DDX10: variants seen among roughly 807,000 people sequenced by gnomAD.
The protein encoded by DDX10 is probable ATP-dependent RNA helicase DDX10.
DDX10 carries 74 observed loss-of-function variants against 104.3 expected under a neutral mutation model. That is an observed-to-expected ratio of 0.71 (90% CI 0.59 to 0.86). The LOEUF is 0.86. DDX10 is among the 40% of genes least tolerant of loss of function. The pLI, the probability that DDX10 is intolerant of heterozygous loss-of-function variation, is 0.00. For synonymous variants in DDX10, 351 were observed against 353.4 expected, an observed-to-expected ratio of 0.99 and a Z score of 0.08; for missense variants, 952 against 1,040.0, an observed-to-expected ratio of 0.92 and a Z score of 1.16.
chr11:108,794,219 A>G (rs1591819963), intron 13 of DDX10, among the ~76,000 whole-genome samples: 2 of 151,932 alleles, frequency 1.3e-5, no homozygotes, highest in South Asian at 4.1e-4. Context: ...TTGCTGGATC[A>G]TATGGCAGTT....
At chr11:108,711,186 T>C (rs569957666) in intron 10 of DDX10, among the ~76,000 whole-genome samples, 46 of 152,382 alleles carry the variant, frequency 3.0e-4, no homozygotes, top group African/African-American at 1.0e-3. Context: ...GTACTGCTTT[T>C]GTTGCATTCC....
At chr11:108,690,382 G>C (rs2094250572) in intron 7 of DDX10, 1 of 152,818 alleles carries the variant, frequency 6.5e-6, no homozygotes, top group Admixed American at 6.5e-5. Context: ...CCCACCATCA[G>C]CAGCAGCTTC....
At chr11:108,776,945 C>G (rs573322949) in intron 13 of DDX10, among the ~76,000 whole-genome samples, 3 of 152,204 alleles carry the variant, frequency 2.0e-5, no homozygotes, top group African/African-American at 7.2e-5. Context: ...CTTGGCCCAG[C>G]TGACATTTTG....
At chr11:108,781,506 T>C (rs1011264732) in intron 13 of DDX10, among the ~76,000 whole-genome samples, 1 of 152,176 alleles carries the variant, frequency 6.6e-6, no homozygotes, top group Non-Finnish European at 1.5e-5. Context: ...CCAAATAGTA[T>C]TCATAATACT....
At chr11:108,716,978 T>C (rs574431853) in intron 11 of DDX10, among the ~76,000 whole-genome samples, 46 of 152,318 alleles carry the variant, frequency 3.0e-4, no homozygotes, top group African/African-American at 1.0e-3. Flanking sequence ...GTAAAAGATG[T>C]GAAATTATTT....
chr11:108,812,140 A>G (rs776771430), intron 13 of DDX10, among the ~76,000 whole-genome samples: 1 of 152,194 alleles, frequency 6.6e-6, no homozygotes, highest in Non-Finnish European at 1.5e-5. Flanking sequence ...TAATTTCCAT[A>G]TAGCTGTTGT....
At chr11:108,766,454 A>G (rs779264750) in intron 13 of DDX10, among the ~76,000 whole-genome samples, 9 of 152,190 alleles carry the variant, frequency 5.9e-5, no homozygotes, top group Non-Finnish European at 1.3e-4. Flanking sequence ...TCTTGCTTGA[A>G]AACCATTGTA....
At chr11:108,735,923 A>G (rs530442877) in intron 13 of DDX10, among the ~76,000 whole-genome samples, 1 of 152,264 alleles carries the variant, frequency 6.6e-6, no homozygotes, top group African/African-American at 2.4e-5. Context: ...AGAAATGCCT[A>G]TTGTTTAGTG....
At chr11:108,845,052 A>G (rs187909652) in intron 15 of DDX10, among the ~76,000 whole-genome samples, 16 of 152,124 alleles carry the variant, frequency 1.1e-4, no homozygotes, top group African/African-American at 3.9e-4. Context: ...CAGAAAAAAA[A>G]CCAAAATTAG....
chr11:108,773,117 T>TA (rs1469295905), intron 13 of DDX10, among the ~76,000 whole-genome samples: 1 of 152,226 alleles, frequency 6.6e-6, no homozygotes, highest in Non-Finnish European at 1.5e-5. Context: ...AACTCAGATA[T>TA]AAAATGTAGC....
chr11:108,891,743 T>G (rs1863378852), intron 16 of DDX10, among the ~76,000 whole-genome samples: 1 of 152,162 alleles, frequency 6.6e-6, no homozygotes, highest in Non-Finnish European at 1.5e-5. Flanking sequence ...AAATTGGCTG[T>G]CTGATCACCC....
chr11:108,765,457 A>G (rs1250784541), intron 13 of DDX10, among the ~76,000 whole-genome samples: 2 of 152,216 alleles, frequency 1.3e-5, no homozygotes, highest in African/African-American at 2.4e-5. Context: ...ACAAGAGACT[A>G]TTAGTTTTAA....
chr11:108,739,129 C>T (rs573163606), intron 13 of DDX10, among the ~76,000 whole-genome samples: 13 of 152,288 alleles, frequency 8.5e-5, no homozygotes, highest in Admixed American at 3.3e-4. Flanking sequence ...TCCATAAAAT[C>T]GTGTGGACAA....
chr11:108,667,775 CT>C (rs1462370154), intron 1 of DDX10, among the ~76,000 whole-genome samples: 3 of 152,224 alleles, frequency 2.0e-5, no homozygotes, highest in Non-Finnish European at 4.4e-5. Context: ...GGTACTCTTC[CT>C]TCAAGATTTA....
chr11:108,939,378 C>A (rs542929093), intron 17 of DDX10, among the ~76,000 whole-genome samples: 2 of 152,188 alleles, frequency 1.3e-5, no homozygotes, highest in African/African-American at 4.8e-5. Context: ...GAGACTAATG[C>A]ACTCCACACT....
chr11:108,723,258 C>A lies in DDX10; in HGVS notation c.1761C>A (p.Asp587Glu). Residue 587 changes from aspartate to glutamate, a missense_variant, in exon 13 of 18, where the codon GAC becomes GAA. Transcript: ENST00000322536. Reference protein sequence around the residue: ...TGNEEQEEEEDDEEEMEEKLA... With the variant: ...TGNEEQEEEEEDEEEMEEKLA... ...ATGAAGAACAGGAAGAAGAAGAAGACGATGAAGAAGAAATGGAAGAGAAAC... is the reference window on the plus strand; with the variant it reads ...ATGAAGAACAGGAAGAAGAAGAAGAAGATGAAGAAGAAATGGAAGAGAAAC... 2 of 1,612,976 alleles carry A rather than the reference C, an allele frequency of 1.2e-6. No individual in the cohort carries two copies. The highest frequency in any genetic ancestry group is 1.7e-6 in the Non-Finnish European group (2 of 1,179,576).
chr11:108,744,934 A>G (rs1164552528), intron 13 of DDX10, among the ~76,000 whole-genome samples: 12 of 152,120 alleles, frequency 7.9e-5, no homozygotes, highest in Admixed American at 7.2e-4. Flanking sequence ...GAAAGAGGAT[A>G]TAAGAGCACA....
At chr11:108,692,313 A>C (rs1422853946) in intron 8 of DDX10, among the ~76,000 whole-genome samples, 5 of 152,334 alleles carry the variant, frequency 3.3e-5, no homozygotes, top group East Asian at 1.9e-4. Flanking sequence ...AAGTTTAAAG[A>C]TATGAAAACA....
At chr11:108,670,896 A>G (rs892868925) in intron 1 of DDX10, among the ~76,000 whole-genome samples, 5 of 152,028 alleles carry the variant, frequency 3.3e-5, no homozygotes, top group Admixed American at 6.6e-5. Context: ...GGGCGTTTCA[A>G]TGCTTTTTTC....
Sources: allele counts gnomAD v4.1 joint callset (sites outside exome capture counted in the v4.1 genomes callset), GRCh38; gene constraint gnomAD v4.1.1; transcripts MANE v1.5; gene names NCBI Gene and HGNC (gene_info 2026-07-23, HGNC 2026-07-21).